Variants in SLC5A12 observed in about 807,000 individuals in gnomAD.
SLC5A12 encodes the protein solute carrier family 5 member 12, also known as sodium-coupled monocarboxylate transporter 2.
Under a neutral mutation model 72.7 loss-of-function variants are expected in SLC5A12, and 46 were observed. That is an observed-to-expected ratio of 0.63 (90% CI 0.50 to 0.81). SLC5A12 has a LOEUF of 0.81. Ranked by LOEUF, SLC5A12 falls within the 30% of genes least tolerant of loss-of-function variation. The probability of loss-of-function intolerance (pLI) is 0.00; values close to 1 mark genes in which losing one functional copy is unlikely to be tolerated. For missense variants in SLC5A12, 683 were observed against 740.7 expected (o/e 0.92, Z 0.90); for synonymous variants, 275 against 264.4 (o/e 1.04, Z -0.39).
intron 6 of SLC5A12, among the ~76,000 whole-genome samples, chr11:26,699,254 C>T (rs1407529988): frequency 1.3e-5 from 2 of 152,162 alleles, no homozygotes; most frequent in Non-Finnish European, 2.9e-5. Flanking sequence ...TTACCTTGGC[C>T]TGAGAGAATA....
intron 13 of SLC5A12, among the ~76,000 whole-genome samples, chr11:26,676,575 T>C (rs760309499): frequency 6.6e-6 from 1 of 152,160 alleles, no homozygotes; most frequent in Non-Finnish European, 1.5e-5. Context: ...TATACTGTCC[T>C]GATAATGGGA....
At chr11:26,720,944 G>A (rs778720319) in intron 1 of SLC5A12, among the ~76,000 whole-genome samples, 3 of 152,040 alleles carry the variant, frequency 2.0e-5, no homozygotes, top group Non-Finnish European at 4.4e-5. Flanking sequence ...AGGTTCTCAG[G>A]TCACTTTACT....
chr11:26,711,463 G>T, intron 2 of SLC5A12, 105 bp from the exon 3 acceptor site: 1 of 861,636 alleles, frequency 1.2e-6, no homozygotes, highest in Non-Finnish European at 1.9e-6. Flanking sequence ...TCTTCAACTT[G>T]TTCATGAAAC....
At chr11:26,720,351 AAG>A (rs1855450586) in intron 1 of SLC5A12, among the ~76,000 whole-genome samples, 1 of 151,508 alleles carries the variant, frequency 6.6e-6, no homozygotes, top group African/African-American at 2.4e-5. Context: ...ATAAATAAAT[AAG>A]TAAATAAATA....
intron 12 of SLC5A12, among the ~76,000 whole-genome samples, chr11:26,680,757 C>A (rs1023037147): frequency 3.3e-5 from 5 of 152,048 alleles, no homozygotes; most frequent in Non-Finnish European, 7.4e-5. Context: ...TTTGAGGAAA[C>A]CATGTTCCTC....
intron 13 of SLC5A12, among the ~76,000 whole-genome samples, chr11:26,676,485 T>C (rs1020641267): frequency 6.6e-6 from 1 of 152,056 alleles, no homozygotes; most frequent in African/African-American, 2.4e-5. Context: ...TGCAGCTTTA[T>C]GGTAAATGAG....
intron 10 of SLC5A12, 117 bp downstream of exon 10, chr11:26,686,360 T>C: frequency 5.1e-6 from 4 of 777,044 alleles, no homozygotes; most frequent in Middle Eastern, 4.9e-4. Flanking sequence ...TATTTTTAAT[T>C]TGGAGCTGGT....
At chr11:26,692,651 C>T (rs781144432) in intron 8 of SLC5A12, 50 bp from the exon 9 acceptor site, 13 of 1,331,712 alleles carry the variant, frequency 9.8e-6, no homozygotes, top group African/African-American at 1.4e-5. Flanking sequence ...TAAGGCGGAG[C>T]TACCAGCCTG....
rs755427323 is a variant in SLC5A12 at position 26,721,674 on chromosome 11, A to G, written c.41T>C (p.Phe14Ser). ...KNFAVWDYVV[F>S]AALFFISSGI... is the part of the protein sequence containing the mutation. Reference sequence around the variant, plus strand: ...AGAGGAAATGAAAAAGAGGGCTGCAAATACAACATAATCCCAAACTGCAAA... The same window carrying G: ...AGAGGAAATGAAAAAGAGGGCTGCAGATACAACATAATCCCAAACTGCAAA... The change falls in exon 1 of 15, where the codon TTT becomes TCT. Residue 14 changes from phenylalanine (F) to serine (S), a missense_variant. Phe to Ser is a radical substitution (Grantham distance 155). Transcript: ENST00000396005. The G allele has an allele frequency of 1.4e-5, 22 of 1,614,014 alleles. No homozygotes were observed. In the South Asian group the frequency reaches 2.3e-4, roughly 17 times the overall value.
chr11:26,699,228 T>C (rs1854900917), intron 6 of SLC5A12, among the ~76,000 whole-genome samples: 1 of 152,172 alleles, frequency 6.6e-6, no homozygotes, highest in Non-Finnish European at 1.5e-5. Flanking sequence ...AGAGAGGACA[T>C]GAAAGTAGGC....
chr11:26,704,216 A>C (rs1855031990), intron 4 of SLC5A12, among the ~76,000 whole-genome samples: 1 of 152,146 alleles, frequency 6.6e-6, no homozygotes, highest in African/African-American at 2.4e-5. Context: ...AAAATGTGGA[A>C]AGTGCAATTA....
chr11:26,689,330 G>A (rs552377038), intron 9 of SLC5A12, among the ~76,000 whole-genome samples: 4 of 152,210 alleles, frequency 2.6e-5, no homozygotes, highest in South Asian at 2.1e-4. Context: ...CCCGGGAGGC[G>A]GAGGTGGCAG....
chr11:26,681,334 G>C, intron 11 of SLC5A12, 113 bp from the exon 12 acceptor site: 1 of 876,780 alleles, frequency 1.1e-6, no homozygotes, highest in Non-Finnish European at 1.6e-6. Context: ...CCCAAATCTT[G>C]GCCACATATT....
Position 26,669,927 on chromosome 11 carries a change from C to T in SLC5A12, c.*1175G>A, listed in dbSNP as rs1439188309. ...TTGTTTCTTATTATCTGTCCTCTGACTTGGCCCCTGTGACATACTGGTTCT... is the reference window on the plus strand; with the variant it reads ...TTGTTTCTTATTATCTGTCCTCTGATTTGGCCCCTGTGACATACTGGTTCT... On this transcript the variant is annotated 3_prime_UTR_variant, in exon 15 of 15. Coordinates refer to ENST00000396005, the MANE Select transcript of SLC5A12 (RefSeq NM_178498.4). The T allele has an allele frequency of 2.6e-5, 4 of 152,098 alleles. No individual in the cohort carries two copies. The highest frequency in any genetic ancestry group is 1.5e-5 in the Non-Finnish European group (1 of 67,996). 9.4% of individuals were successfully genotyped at this position (152,098 alleles called of 1,614,324 possible).
intron 1 of SLC5A12, among the ~76,000 whole-genome samples, chr11:26,717,262 G>T (rs928593433): frequency 6.6e-6 from 1 of 152,046 alleles, no homozygotes; most frequent in African/African-American, 2.4e-5. Context: ...TTATCATAAA[G>T]AAAATTTGAA....
At chr11:26,672,297 A>G (rs181572908) in intron 14 of SLC5A12, among the ~76,000 whole-genome samples, 41 of 152,198 alleles carry the variant, frequency 2.7e-4, no homozygotes, top group African/African-American at 9.4e-4. Flanking sequence ...TTGCCATGAT[A>G]TGGGTTAGGC....
chr11:26,694,338 T>C (rs1854756305), intron 8 of SLC5A12, among the ~76,000 whole-genome samples: 1 of 152,116 alleles, frequency 6.6e-6, no homozygotes, highest in Non-Finnish European at 1.5e-5. Flanking sequence ...GGACTTAGGA[T>C]AAAGGAATCA....
chr11:26,707,210 C>T (rs532926504), intron 4 of SLC5A12, among the ~76,000 whole-genome samples: 1 of 152,086 alleles, frequency 6.6e-6, no homozygotes, highest in African/African-American at 2.4e-5. Flanking sequence ...CTTTAAGTAT[C>T]TCTTTCTCCT....
upstream of SLC5A12, among the ~76,000 whole-genome samples, chr11:26,722,582 C>G (rs78820247): frequency 0.041 from 6,309 of 152,168 alleles, 340 homozygotes; most frequent in African/African-American, 0.12. Flanking sequence ...CTAGAAAAAT[C>G]AATTTGCCAT....
Sources: allele counts gnomAD v4.1 joint callset (sites outside exome capture counted in the v4.1 genomes callset), GRCh38; gene constraint gnomAD v4.1.1; transcripts MANE v1.5; gene names NCBI Gene and HGNC (gene_info 2026-07-23, HGNC 2026-07-21).